Variants in LARGE1 observed in about 807,000 individuals in gnomAD.
LARGE1 encodes the protein LARGE xylosyl- and glucuronyltransferase 1.
In LARGE1, 43 loss-of-function variants were observed where a neutral mutation model predicts 87.6. The observed-to-expected ratio is 0.49, with a 90% CI of 0.38 to 0.63. The LOEUF (loss-of-function observed/expected upper bound fraction) is 0.63. LARGE1 is among the 30% of genes least tolerant of loss of function. The pLI, the probability that LARGE1 is intolerant of heterozygous loss-of-function variation, is 0.00. For missense variants in LARGE1, 802 were observed against 1,000.2 expected (o/e 0.80, Z 2.67); for synonymous variants, 434 against 394.6 (o/e 1.10, Z -1.18).
At chr22:33,573,209 C>T (rs1328145157) in intron 5 of LARGE1, among the ~76,000 whole-genome samples, 4 of 152,118 alleles carry the variant, frequency 2.6e-5, no homozygotes, top group East Asian at 1.9e-4. Flanking sequence ...TAGGCCGAGG[C>T]GGATGGACCA....
chr22:33,672,756 A>G (rs1241282631), intron 2 of LARGE1, among the ~76,000 whole-genome samples: 1 of 152,190 alleles, frequency 6.6e-6, no homozygotes, highest in African/African-American at 2.4e-5. Flanking sequence ...GTTGGTAGAG[A>G]AGTAGATTTA....
chr22:33,457,355 T>C (rs1303310026), intron 6 of LARGE1, among the ~76,000 whole-genome samples: 1 of 147,248 alleles, frequency 6.8e-6, no homozygotes, highest in Non-Finnish European at 1.5e-5. Flanking sequence ...TTACACCATG[T>C]TGGCCAGGCT....
At chr22:33,103,907 T>G in the LARGE1 span, among the ~76,000 whole-genome samples, 1 of 152,320 alleles carries the variant, frequency 6.6e-6, no homozygotes, top group African/African-American at 2.4e-5. Context: ...GGAAACCCCT[T>G]CCACTTGGCT....
intron 12 of LARGE1, among the ~76,000 whole-genome samples, chr22:33,286,701 T>C (rs1569014900): frequency 6.6e-6 from 1 of 152,110 alleles, no homozygotes; most frequent in Non-Finnish European, 1.5e-5. Flanking sequence ...GGCAGAACTA[T>C]AAAGGGAATG....
chr22:33,459,441 CTTTTTTT>C (rs3071562), intron 6 of LARGE1, among the ~76,000 whole-genome samples: 73 of 128,330 alleles, frequency 5.7e-4, no homozygotes, highest in Non-Finnish European at 8.2e-4. Context: ...CGCTCTCTCT[CTTTTTTT>C]TTTTTTTTTT....
chr22:33,787,054 T>C (rs2085671620), intron 1 of LARGE1, among the ~76,000 whole-genome samples: 1 of 151,358 alleles, frequency 6.6e-6, no homozygotes, highest in Non-Finnish European at 1.5e-5. Context: ...AAAAGTAAGA[T>C]AATGGTACAC....
intron 2 of LARGE1, among the ~76,000 whole-genome samples, chr22:33,708,971 T>C (rs1253517896): frequency 6.6e-6 from 1 of 152,144 alleles, no homozygotes; most frequent in East Asian, 1.9e-4. Flanking sequence ...TCATGGGGTC[T>C]TTCCTCTGTA....
At chr22:33,372,652 C>T (rs923458191) in intron 9 of LARGE1, among the ~76,000 whole-genome samples, 12 of 152,074 alleles carry the variant, frequency 7.9e-5, no homozygotes, top group Admixed American at 7.9e-4. Context: ...CAGGTCCCTC[C>T]CACAACATGT....
At chr22:33,479,896 T>A (rs1206674212) in intron 6 of LARGE1, among the ~76,000 whole-genome samples, 1 of 151,996 alleles carries the variant, frequency 6.6e-6, no homozygotes, top group Admixed American at 6.6e-5. Flanking sequence ...AGGTGTGCAC[T>A]ACCACACCCA....
chr22:33,684,168 C>T (rs1455291092), intron 2 of LARGE1, among the ~76,000 whole-genome samples: 1 of 152,142 alleles, frequency 6.6e-6, no homozygotes, highest in Non-Finnish European at 1.5e-5. Context: ...GCACGTTGTA[C>T]ACCCGGTGAA....
intron 1 of LARGE1, among the ~76,000 whole-genome samples, chr22:33,870,687 A>G (rs913526378): frequency 2.0e-5 from 3 of 151,840 alleles, no homozygotes; most frequent in Admixed American, 6.6e-5. Flanking sequence ...TCCTGCCTCA[A>G]CCTCCTGAGT....
chr22:33,790,462 T>C (rs1330932169), intron 1 of LARGE1, among the ~76,000 whole-genome samples: 1 of 152,046 alleles, frequency 6.6e-6, no homozygotes. Flanking sequence ...ACAGCAGGAA[T>C]TTAAACCAAT....
At chr22:33,286,046 T>C (rs936514319) in intron 12 of LARGE1, among the ~76,000 whole-genome samples, 10 of 152,158 alleles carry the variant, frequency 6.6e-5, no homozygotes, top group African/African-American at 1.7e-4. Flanking sequence ...CCAAATAATA[T>C]ATAGCTCTCT....
intron 12 of LARGE1, among the ~76,000 whole-genome samples, chr22:33,302,931 ATATATGCAAATCACCTC>A (rs1934362882): frequency 6.6e-6 from 1 of 152,238 alleles, no homozygotes; most frequent in Admixed American, 6.5e-5. Context: ...CAATGGGATG[ATATATGCAAATCACCTC>A]TCATGGTACC....
At chr22:33,765,424 C>T (rs769934806) in intron 1 of LARGE1, among the ~76,000 whole-genome samples, 3 of 152,064 alleles carry the variant, frequency 2.0e-5, no homozygotes, top group African/African-American at 4.8e-5. Flanking sequence ...TAGACAAGGG[C>T]TGGGTGCAGT....
chr22:33,655,373 A>C (rs922499663), intron 2 of LARGE1, among the ~76,000 whole-genome samples: 1 of 152,124 alleles, frequency 6.6e-6, no homozygotes, highest in Non-Finnish European at 1.5e-5. Context: ...CTTGCCTTCA[A>C]ACTCAAACTG....
At chr22:33,244,155 ATT>A (rs545378643) in intron 11 of LARGE1, among the ~76,000 whole-genome samples, 3 of 145,622 alleles carry the variant, frequency 2.1e-5, no homozygotes, top group Non-Finnish European at 1.5e-5. Context: ...AGCCCAGCTA[ATT>A]TTTTTTTTTT....
intron 7 of LARGE1, among the ~76,000 whole-genome samples, chr22:33,403,420 T>C (rs2065990795): frequency 6.6e-6 from 1 of 152,144 alleles, no homozygotes; most frequent in Non-Finnish European, 1.5e-5. Context: ...CAAAAGAACA[T>C]TTTAATGGGA....
At chr22:33,083,960 G>C in the LARGE1 span, among the ~76,000 whole-genome samples, 1 of 152,142 alleles carries the variant, frequency 6.6e-6, no homozygotes, top group Non-Finnish European at 1.5e-5. Context: ...GGCCCCTCAT[G>C]ATCTAATTTG....
Sources: allele counts gnomAD v4.1 joint callset (sites outside exome capture counted in the v4.1 genomes callset), GRCh38; gene constraint gnomAD v4.1.1; transcripts MANE v1.5; gene names NCBI Gene and HGNC (gene_info 2026-07-23, HGNC 2026-07-21).